Variants in GALNTL6 observed in about 807,000 individuals in gnomAD.
The protein encoded by GALNTL6 is polypeptide N-acetylgalactosaminyltransferase-like 6.
A neutral mutation model predicts 73.7 loss-of-function variants in GALNTL6; 46 were observed. That is an observed-to-expected ratio of 0.62 (90% confidence interval 0.49 to 0.80). The LOEUF (loss-of-function observed/expected upper bound fraction) is 0.80, where lower values mean the gene tolerates loss of function less well. GALNTL6 is among the 30% of genes least tolerant of loss of function. The probability of loss-of-function intolerance (pLI) is 0.00; values close to 1 mark genes in which losing one functional copy is unlikely to be tolerated. For synonymous variants in GALNTL6, 259 were observed against 263.7 expected, an observed-to-expected ratio of 0.98 and a Z score of 0.17; for missense variants, 604 against 755.0, an observed-to-expected ratio of 0.80 and a Z score of 2.34.
At chr4:171,851,415 A>C (rs777678907) in intron 2 of GALNTL6, among the ~76,000 whole-genome samples, 1 of 152,226 alleles carries the variant, frequency 6.6e-6, no homozygotes, top group Admixed American at 6.5e-5. Context: ...AACTCTGTAG[A>C]AGAACCCTCA....
At chr4:171,987,763 G>A (rs1740149784) in intron 2 of GALNTL6, among the ~76,000 whole-genome samples, 1 of 152,160 alleles carries the variant, frequency 6.6e-6, no homozygotes, top group African/African-American at 2.4e-5. Context: ...TGGCGATTAG[G>A]CCTGGTGGAA....
intron 5 of GALNTL6, among the ~76,000 whole-genome samples, chr4:172,350,488 A>G (rs1190511779): frequency 6.6e-6 from 1 of 152,162 alleles, no homozygotes; most frequent in African/African-American, 2.4e-5. Flanking sequence ...AATTAGTGTT[A>G]GTGAAAGGGG....
chr4:172,531,166 T>C (rs1001217220), intron 5 of GALNTL6, among the ~76,000 whole-genome samples: 4 of 152,192 alleles, frequency 2.6e-5, no homozygotes, highest in Non-Finnish European at 5.9e-5. Flanking sequence ...GAGAATTCTG[T>C]TTCTCGGGGA....
At chr4:172,899,263 C>T (rs188435565) in intron 8 of GALNTL6, among the ~76,000 whole-genome samples, 1 of 152,270 alleles carries the variant, frequency 6.6e-6, no homozygotes, top group Admixed American at 6.5e-5. Flanking sequence ...AAATAAGTGT[C>T]ACCAAAGAGA....
Position 171,987,310 on chromosome 4 carries a change from C to G in GALNTL6, c.138+172592C>G, listed in dbSNP as rs577462777. On this transcript the variant is annotated intron_variant, in intron 2 of 12. Transcript: ENST00000506823. ...AGGGATATAAAGGTTTGACTGAATA[C>G]TAAGAGCCTGAAAAACTGCTTGGCT... is the stretch of plus-strand genomic sequence containing the variant. Among the ~76,000 whole-genome samples, 4 of 152,268 alleles carry G rather than the reference C, an allele frequency of 2.6e-5. No homozygotes were observed. The South Asian group carries it at 8.3e-4, about 32-fold the overall frequency.
At chr4:172,239,964 T>C (rs1350271069) in intron 3 of GALNTL6, among the ~76,000 whole-genome samples, 1 of 152,206 alleles carries the variant, frequency 6.6e-6, no homozygotes, top group East Asian at 1.9e-4. Context: ...GTAGGTGACC[T>C]GCTCCTTCTC....
Position 172,163,119 on chromosome 4 carries a change from A to G in GALNTL6, c.139-66537A>G, listed in dbSNP as rs187347342. Among the ~76,000 whole-genome samples, 276 of 152,134 alleles carry G rather than the reference A, an allele frequency of 1.8e-3. 1 individual carries two copies. Among genetic ancestry groups the G allele is most frequent in the Middle Eastern group, 0.01 (3 of 294 alleles). On this transcript the variant is annotated intron_variant, in intron 2 of 12. Coordinates refer to ENST00000506823, the MANE Select transcript of GALNTL6 (RefSeq NM_001034845.3). ...ATCTGCACAGTCTGACTTTACTAACATTGTAGATTTCATATACATTTCAGG... is the reference window on the plus strand; with the variant it reads ...ATCTGCACAGTCTGACTTTACTAACGTTGTAGATTTCATATACATTTCAGG...
chr4:172,177,131 A>G (rs570706967), intron 2 of GALNTL6, among the ~76,000 whole-genome samples: 2 of 152,316 alleles, frequency 1.3e-5, no homozygotes, highest in East Asian at 3.9e-4. Context: ...GTCAGCATAT[A>G]GGAGGAGAAT....
chr4:172,913,725 A>T (rs1747344410), intron 8 of GALNTL6, among the ~76,000 whole-genome samples: 1 of 152,226 alleles, frequency 6.6e-6, no homozygotes, highest in Non-Finnish European at 1.5e-5. Flanking sequence ...AAAGCCTCCA[A>T]GAAATGTGGG....
At chr4:172,177,806 CAT>C (rs1198175530) in intron 2 of GALNTL6, among the ~76,000 whole-genome samples, 14 of 119,462 alleles carry the variant, frequency 1.2e-4, no homozygotes, top group African/African-American at 5.6e-4. Flanking sequence ...TATACACACA[CAT>C]ATATGTGTGT....
chr4:171,863,753 A>C (rs566321876), intron 2 of GALNTL6, among the ~76,000 whole-genome samples: 41 of 151,622 alleles, frequency 2.7e-4, no homozygotes, highest in African/African-American at 9.7e-4. Context: ...CTGAGGAGAA[A>C]AGGAACACTT....
At chr4:172,896,544 C>T (rs142744001) in intron 8 of GALNTL6, among the ~76,000 whole-genome samples, 5,531 of 152,256 alleles carry the variant, frequency 0.036, 163 homozygotes, top group Non-Finnish European at 0.055. Context: ...AGCATGTCTC[C>T]CAGCAGATCC....
At chr4:172,532,744 A>C (rs1414734856) in intron 5 of GALNTL6, among the ~76,000 whole-genome samples, 2 of 152,196 alleles carry the variant, frequency 1.3e-5, no homozygotes, top group East Asian at 3.9e-4. Context: ...ACATAAGGAA[A>C]TGTAAATATA....
intron 2 of GALNTL6, among the ~76,000 whole-genome samples, chr4:172,166,454 A>G (rs912134854): frequency 2.6e-4 from 40 of 152,166 alleles, no homozygotes; most frequent in Non-Finnish European, 1.0e-4. Flanking sequence ...TCAAAAAAAA[A>G]AAAATTGTAT....
intron 7 of GALNTL6, among the ~76,000 whole-genome samples, chr4:172,841,385 G>A (rs1329131507): frequency 6.6e-6 from 1 of 152,158 alleles, no homozygotes; most frequent in Non-Finnish European, 1.5e-5. Context: ...GGTAAGTAGA[G>A]AGAATAAGAC....
chr4:172,791,945 T>C (rs1409990752), intron 5 of GALNTL6, among the ~76,000 whole-genome samples: 1 of 152,242 alleles, frequency 6.6e-6, no homozygotes, highest in African/African-American at 2.4e-5. Context: ...TTCATTTTTG[T>C]TAGAAACCAT....
intron 2 of GALNTL6, among the ~76,000 whole-genome samples, chr4:171,958,341 A>G (rs986092459): frequency 1.3e-5 from 2 of 152,192 alleles, no homozygotes; most frequent in African/African-American, 4.8e-5. Context: ...GTCTTTTTCT[A>G]TATTAAAACT....
chr4:172,857,426 T>C (rs1051416145), intron 7 of GALNTL6, among the ~76,000 whole-genome samples: 17 of 152,112 alleles, frequency 1.1e-4, no homozygotes, highest in African/African-American at 4.1e-4. Context: ...AGGATCACTA[T>C]GAGACACGTT....
At chr4:172,808,604 A>T (rs1308994995) in intron 5 of GALNTL6, among the ~76,000 whole-genome samples, 2 of 152,228 alleles carry the variant, frequency 1.3e-5, no homozygotes, top group African/African-American at 4.8e-5. Context: ...TATTTGACAT[A>T]ATAAGAACTG....
Sources: allele counts gnomAD v4.1 joint callset (sites outside exome capture counted in the v4.1 genomes callset), GRCh38; gene constraint gnomAD v4.1.1; transcripts MANE v1.5; gene names NCBI Gene and HGNC (gene_info 2026-07-23, HGNC 2026-07-21).